The following FRYL variants were observed in gnomAD, a reference collection of about 807,000 sequenced individuals.
FRYL encodes FRY like transcription coactivator.
Under a neutral mutation model 351.2 loss-of-function variants are expected in FRYL, and 150 were observed. The ratio of observed to expected loss-of-function variants is 0.43; its 90% CI spans 0.37 to 0.49. The LOEUF is 0.49. FRYL is among the 20% of genes least tolerant of loss of function. The pLI is 0.00. For synonymous variants in FRYL, 1,153 were observed against 1,257.1 expected (o/e 0.92, Z 1.75); for missense variants, 3,036 against 3,619.3 (o/e 0.84, Z 4.13).
At chr4:48,530,444 T>A (rs1441827552) in intron 50 of FRYL, among the ~76,000 whole-genome samples, 7 of 152,152 alleles carry the variant, frequency 4.6e-5, no homozygotes, top group Non-Finnish European at 8.8e-5. Flanking sequence ...TGCTCTATTT[T>A]CTATCCTGTG....
chr4:48,595,493 T>A lies in FRYL; in HGVS notation c.1248+97A>T, dbSNP rs1272915448. 6 of 598,424 alleles carry A rather than the reference T, an allele frequency of 1.0e-5. No individual in the cohort carries two copies. The East Asian group carries it at 1.2e-4, about 12-fold the overall frequency. The allele number at this position is 598,424 out of a possible 1,614,324, so 37.1% of individuals were successfully genotyped here. A position where few individuals can be genotyped will look rare whatever the true frequency, so the allele number is the denominator to read the frequency against. On this transcript the variant is annotated intron_variant, in intron 15 of 63. Coordinates refer to ENST00000358350, the MANE Select transcript of FRYL (RefSeq NM_015030.2). ...AAACTTATTCAATGTTGTATTACTA[T>A]GTTTTTAGATGCATAAAAAATTTCA... is the stretch of plus-strand genomic sequence containing the variant.
At chr4:48,729,963 C>T (rs7681070) in intron 1 of FRYL, among the ~76,000 whole-genome samples, 62,810 of 151,924 alleles carry the variant, frequency 0.41, 14,277 homozygotes, top group Admixed American at 0.56. Context: ...TCTAACCCAT[C>T]GCAAGGAAGC....
chr4:48,509,931 T>A (rs1323539977), intron 59 of FRYL, 128 bp downstream of exon 59: 5 of 612,736 alleles, frequency 8.2e-6, no homozygotes, highest in African/African-American at 1.9e-5. Flanking sequence ...AAGAACCTGC[T>A]GCTCTCAGGA....
Position 48,579,035 on chromosome 4 carries a change from C to A in FRYL, c.2466G>T (p.Val822=). ...ENLPKHCSTA[V]SYAWMFAYTR... Reference sequence around the variant, plus strand: ...TGTATGCAAACATCCAAGCATAGCTCACAGCTGTAGAGCAGTGTTTAGGAA... The same window carrying A: ...TGTATGCAAACATCCAAGCATAGCTAACAGCTGTAGAGCAGTGTTTAGGAA... Residue 822 remains valine, a synonymous_variant, in exon 23 of 64, where the codon GTG becomes GTT. Coordinates refer to ENST00000358350, the MANE Select transcript of FRYL (RefSeq NM_015030.2). The A allele has an allele frequency of 6.2e-7, 1 of 1,613,772 alleles. No homozygotes were observed. Among genetic ancestry groups the A allele is most frequent in the Non-Finnish European group, 8.5e-7 (1 of 1,179,746 alleles).
At chr4:48,520,768 G>A (rs1188664904) in intron 55 of FRYL, 4 of 255,984 alleles carry the variant, frequency 1.6e-5, no homozygotes, top group South Asian at 1.4e-4. Context: ...GATGATGCTC[G>A]CCAACCCCAG....
At chr4:48,769,313 CAATCCCA>C (rs1775286814) in intron 1 of FRYL, among the ~76,000 whole-genome samples, 1 of 152,142 alleles carries the variant, frequency 6.6e-6, no homozygotes. Context: ...CAATAAAAAA[CAATCCCA>C]TTTGCCCCTT....
chr4:48,689,063 C>T (rs1045952559), intron 2 of FRYL, among the ~76,000 whole-genome samples: 2 of 152,250 alleles, frequency 1.3e-5, no homozygotes, highest in Middle Eastern at 3.4e-3. Context: ...GCTAAAAATG[C>T]TGTGTAATGA....
At chr4:48,574,792 C>T (rs1343414726) in intron 25 of FRYL, among the ~76,000 whole-genome samples, 2 of 152,074 alleles carry the variant, frequency 1.3e-5, no homozygotes, top group African/African-American at 4.8e-5. Context: ...AGCAAGATTA[C>T]ACATTAAAAG....
At position 48,528,308 on chromosome 4, in the gene FRYL, T is replaced by G. The variant is rs776347626; in HGVS notation, c.6932A>C (p.Asp2311Ala). ...ATTTCTTCCAGCCGCACTGTGCTGA[T>G]CACCATATTTGTTTCCAATAATTGG... is the stretch of plus-strand genomic sequence containing the variant. Reference protein sequence around the residue: ...ETPIIGNKYGDQHSAAGRNGK... With the variant: ...ETPIIGNKYGAQHSAAGRNGK... Residue 2311 changes from aspartate (D) to alanine (A), a missense_variant, in exon 51 of 64, where the codon GAT becomes GCT. By Grantham distance (126) the Asp-to-Ala change is moderately radical. Around this residue, in one of 7 missense-constraint regions of FRYL, gnomAD observed 1,987 missense variants for 2,311.7 expected, o/e 0.86. Coordinates refer to ENST00000358350, the MANE Select transcript of FRYL (RefSeq NM_015030.2). 6.2e-7 allele frequency: 1 copy of G among 1,612,456 alleles called. No homozygotes were observed. Among genetic ancestry groups the G allele is most frequent in the East Asian group, 2.2e-5 (1 of 44,824 alleles).
At chr4:48,590,590 T>G in intron 17 of FRYL, 69 bp downstream of exon 17, 2 of 1,166,660 alleles carry the variant, frequency 1.7e-6, no homozygotes, top group Non-Finnish European at 2.4e-6. Flanking sequence ...CATTTTATAT[T>G]TGATCAGACT....
chr4:48,524,740 G>GTAA, intron 53 of FRYL, among the ~76,000 whole-genome samples: 1 of 152,226 alleles, frequency 6.6e-6, no homozygotes, highest in South Asian at 2.1e-4. Context: ...TAAAAGCCAT[G>GTAA]TTTATTACCA....
intron 13 of FRYL, among the ~76,000 whole-genome samples, chr4:48,600,787 T>G (rs888167900): frequency 1.3e-5 from 2 of 152,110 alleles, no homozygotes; most frequent in African/African-American, 4.8e-5. Context: ...TTACCAAAAA[T>G]AAGAACAGAA....
rs2148980181 is a variant in FRYL at position 48,549,384 on chromosome 4, C to T, written c.4784+89G>A. The T allele has an allele frequency of 3.3e-6, 4 of 1,195,194 alleles. No homozygotes were observed. Among genetic ancestry groups the T allele is most frequent in the South Asian group, 1.9e-5 (1 of 53,992 alleles). The allele number at this position is 1,195,194 out of a possible 1,614,324, so 74.0% of individuals were successfully genotyped here. ...GTATCTCCATAAAGAAGATTGCTTT[C>T]ATTCTGTGTTGTCAGATAGCACAAA... On this transcript the variant is annotated intron_variant, in intron 39 of 63. Transcript: ENST00000358350. This position sits in a 1 kb window ranked among gnomAD's most constrained non-coding sequence, Gnocchi z 4.2.
At chr4:48,742,762 C>G (rs1317451469) in intron 1 of FRYL, among the ~76,000 whole-genome samples, 2 of 151,904 alleles carry the variant, frequency 1.3e-5, no homozygotes, top group Non-Finnish European at 2.9e-5. Flanking sequence ...TTCAATTTGC[C>G]AAGAGTGATT....
chr4:48,530,876 C>T (rs781160375), intron 50 of FRYL, among the ~76,000 whole-genome samples: 80 of 152,192 alleles, frequency 5.3e-4, no homozygotes, highest in Admixed American at 1.1e-3. Flanking sequence ...GTATTCCAGC[C>T]GAGTGTTGAT....
intron 48 of FRYL, 83 bp downstream of exon 48, chr4:48,535,574 T>C (rs1484034310): frequency 6.2e-6 from 4 of 640,554 alleles, no homozygotes; most frequent in Non-Finnish European, 8.9e-6. Context: ...TATATGTGTA[T>C]ATATATACAC....
In FRYL at chr4:48,547,678, T is replaced by C; in HGVS notation, c.4980A>G (p.Arg1660=). The change falls in exon 41 of 64, where the codon CGA becomes CGG. Residue 1660 remains arginine, a synonymous_variant. Transcript: ENST00000358350. ...LIVMGPNSNI[R]TVASVLLRNK... is the part of the protein sequence containing the mutation. ...TCCTGAGAAGGACAGAAGCAACAGT[T>C]CGGATGTTACTATTGGGTCCCATTA... The C allele has an allele frequency of 6.2e-7, 1 of 1,608,106 alleles. No homozygotes were observed. The highest frequency in any genetic ancestry group is 8.5e-7 in the Non-Finnish European group (1 of 1,175,786).
chr4:48,764,241 A>C (rs1209186977), intron 1 of FRYL, among the ~76,000 whole-genome samples: 1 of 152,138 alleles, frequency 6.6e-6, no homozygotes, highest in Non-Finnish European at 1.5e-5. Context: ...GACACAAATT[A>C]ATTGAAGCCA....
chr4:48,632,104 A>ATATATATATG (rs1185337667), intron 4 of FRYL, among the ~76,000 whole-genome samples: 557 of 49,794 alleles, frequency 0.011, 11 homozygotes, highest in South Asian at 0.019. Context: ...ATATATATAT[A>ATATATATATG]TATATATATA....
Sources: allele counts gnomAD v4.1 joint callset (sites outside exome capture counted in the v4.1 genomes callset), GRCh38; gene constraint gnomAD v4.1.1; regional missense constraint gnomAD v4.1.1; non-coding constraint Gnocchi (gnomAD v3.1); transcripts MANE v1.5; gene names NCBI Gene and HGNC (gene_info 2026-07-23, HGNC 2026-07-21).